The following USP25 variants were observed in gnomAD, a reference collection of about 807,000 sequenced individuals.
The protein encoded by USP25 is ubiquitin carboxyl-terminal hydrolase 25.
Under a neutral mutation model 158.5 loss-of-function variants are expected in USP25, and 85 were observed. The observed-to-expected ratio is 0.54, with a 90% CI of 0.45 to 0.64. The LOEUF is 0.64. Ranked by LOEUF, USP25 falls within the 30% of genes least tolerant of loss-of-function variation. USP25 has a pLI of 0.00. For missense variants in USP25, 1,242 were observed against 1,327.3 expected, an observed-to-expected ratio of 0.94 and a Z score of 1.00; for synonymous variants, 464 against 460.4, an observed-to-expected ratio of 1.01 and a Z score of -0.10.
intron 9 of USP25, among the ~76,000 whole-genome samples, chr21:15,812,886 T>G (rs1170782518): frequency 6.6e-6 from 1 of 152,152 alleles, no homozygotes; most frequent in Non-Finnish European, 1.5e-5. Flanking sequence ...TGATTTTTAG[T>G]TTGTTTGCCA....
At chr21:15,820,107 A>T (rs536493529) in intron 10 of USP25, among the ~76,000 whole-genome samples, 1 of 152,044 alleles carries the variant, frequency 6.6e-6, no homozygotes, top group Non-Finnish European at 1.5e-5. Context: ...TATTTTATTG[A>T]TTGGGAAACA....
intron 20 of USP25, 64 bp from the exon 21 acceptor site, chr21:15,864,204 T>C: frequency 6.9e-7 from 1 of 1,445,540 alleles, no homozygotes. Flanking sequence ...AAACTCATAA[T>C]ATTGAAGGAT....
At chr21:15,853,200 T>C (rs943453525) in intron 20 of USP25, among the ~76,000 whole-genome samples, 1 of 151,532 alleles carries the variant, frequency 6.6e-6, no homozygotes, top group Non-Finnish European at 1.5e-5. Context: ...ATTTTGTAAC[T>C]TATATCACTC....
At chr21:15,823,791 C>T (rs538989263) in intron 10 of USP25, among the ~76,000 whole-genome samples, 13 of 152,218 alleles carry the variant, frequency 8.5e-5, no homozygotes, top group Non-Finnish European at 1.8e-4. Flanking sequence ...GAATTATTTT[C>T]GAAGGATAGT....
chr21:15,761,865 A>G (rs968683681), intron 1 of USP25, among the ~76,000 whole-genome samples: 4 of 152,148 alleles, frequency 2.6e-5, no homozygotes, highest in African/African-American at 4.8e-5. Context: ...CTCCTGCTCT[A>G]AAAACTTGCC....
chr21:15,732,548 T>C (rs2031025868), intron 1 of USP25, among the ~76,000 whole-genome samples: 1 of 152,174 alleles, frequency 6.6e-6, no homozygotes, highest in South Asian at 2.1e-4. Flanking sequence ...TCAGACACTT[T>C]ATGGGTTATC....
At chr21:15,821,341 A>G (rs750663652) in intron 10 of USP25, among the ~76,000 whole-genome samples, 11 of 152,018 alleles carry the variant, frequency 7.2e-5, no homozygotes, top group Non-Finnish European at 1.3e-4. Context: ...TGATTTAATT[A>G]TCCTGTAAGG....
chr21:15,833,368 G>A lies in USP25; in HGVS notation c.2014G>A (p.Gly672Arg), dbSNP rs1210152542. The change falls in exon 17 of 26, where the codon GGG becomes AGG. Residue 672 changes from glycine (G) to arginine (R), a missense_variant. Gly to Arg is a moderately radical substitution (Grantham distance 125). Transcript: ENST00000400183. Reference sequence around the variant, plus strand: ...TGCAGAGGAGTTTAATAAAGAAACTGGGCAGCCCCTTGTTGGTATAGAAAC... The same window carrying A: ...TGCAGAGGAGTTTAATAAAGAAACTAGGCAGCCCCTTGTTGGTATAGAAAC... ...LIQEEFNKETGQPLVGIETLP... is the reference protein window; with the variant it reads ...LIQEEFNKETRQPLVGIETLP... 1 of 1,613,374 alleles carries A rather than the reference G, an allele frequency of 6.2e-7. No homozygotes were observed. The highest frequency in any genetic ancestry group is 1.3e-5 in the African/African-American group (1 of 74,874).
chr21:15,844,831 A>C (rs577297753), intron 18 of USP25, among the ~76,000 whole-genome samples: 6 of 152,080 alleles, frequency 3.9e-5, no homozygotes, highest in Non-Finnish European at 8.8e-5. Flanking sequence ...GTTGCATACA[A>C]AATTTTGTGT....
intron 25 of USP25, 106 bp downstream of exon 25, chr21:15,878,097 G>A (rs926087743): frequency 2.0e-5 from 20 of 1,017,134 alleles, no homozygotes; most frequent in Non-Finnish European, 2.7e-5. Flanking sequence ...ACAATATTAA[G>A]TATTAATATT....
Position 15,878,360 on chromosome 21 carries a change from A to C in USP25, c.3263A>C (p.Glu1088Ala). The change falls in exon 26 of 26, where the codon GAG becomes GCG. Residue 1088 changes from glutamate (E) to alanine (A), a missense_variant. Around this residue, in one of 3 missense-constraint regions of USP25, gnomAD observed 608 missense variants for 605.2 expected, o/e 1.00. Transcript: ENST00000400183. ...CCAAAACTGCTTGATTGTTCTATGG[A>C]GATTAAAAGTTTCCATGAGCCACCG... ...FLPKLLDCSM[E>A]IKSFHEPPKL... is the part of the protein sequence containing the mutation. The C allele has an allele frequency of 3.1e-6, 5 of 1,614,022 alleles. No homozygotes were observed. The highest frequency in any genetic ancestry group is 4.2e-6 in the Non-Finnish European group (5 of 1,179,946).
At position 15,843,902 on chromosome 21, in the gene USP25, T is replaced by G. The variant is rs1174908275; in HGVS notation, c.2337+1362T>G. On this transcript the variant is annotated intron_variant, in intron 18 of 25. Coordinates refer to ENST00000400183, the MANE Select transcript of USP25 (RefSeq NM_001283041.3). This position sits in a 1 kb window ranked among gnomAD's most constrained non-coding sequence, Gnocchi z 4.0. ...GGTATTAGAAAACCAAAAGCATTAC[T>G]TAGCTTAATGTAGAATCCTGATTTT... Among the ~76,000 whole-genome samples the G allele has an allele frequency of 2.0e-5, 3 of 152,204 alleles. 1 individual carries two copies. The highest frequency in any genetic ancestry group is 4.4e-5 in the Non-Finnish European group (3 of 68,014).
intron 1 of USP25, among the ~76,000 whole-genome samples, chr21:15,742,800 G>A (rs1224259758): frequency 3.9e-5 from 6 of 152,212 alleles, no homozygotes; most frequent in African/African-American, 1.2e-4. Context: ...CACTCACTGG[G>A]CTCGCTCTGC....
chr21:15,879,214 A>G lies in USP25; in HGVS notation c.*739A>G, dbSNP rs2040207338. 1 of 152,432 alleles carries G rather than the reference A, an allele frequency of 6.6e-6. No homozygotes were observed. Among genetic ancestry groups the G allele is most frequent in the South Asian group, 2.1e-4 (1 of 4,830 alleles). 9.4% of individuals were successfully genotyped at this position (152,432 alleles called of 1,614,324 possible). ...AAACTTTTATCCTTTTCTTAGATTA[A>G]TCTTACTTTTTAAATGTATTTACAA... On this transcript the variant is annotated 3_prime_UTR_variant, in exon 26 of 26. Transcript: ENST00000400183.
At chr21:15,844,245 T>G (rs961176118) in intron 18 of USP25, among the ~76,000 whole-genome samples, 1 of 152,164 alleles carries the variant, frequency 6.6e-6, no homozygotes, top group African/African-American at 2.4e-5. Flanking sequence ...TAGCGGTTTT[T>G]TTCATTTAAA....
chr21:15,796,168 C>A (rs2035853325), intron 5 of USP25, among the ~76,000 whole-genome samples: 1 of 151,552 alleles, frequency 6.6e-6, no homozygotes, highest in South Asian at 2.1e-4. Context: ...GTTACCCTTT[C>A]TTACCTCTTT....
chr21:15,732,808 T>A (rs1050842998), intron 1 of USP25, among the ~76,000 whole-genome samples: 1 of 152,194 alleles, frequency 6.6e-6, no homozygotes, highest in Non-Finnish European at 1.5e-5. Context: ...GGTTCGCCTA[T>A]AGAATTCATT....
intron 3 of USP25, among the ~76,000 whole-genome samples, chr21:15,771,890 T>C (rs931509650): frequency 6.6e-6 from 1 of 152,174 alleles, no homozygotes; most frequent in African/African-American, 2.4e-5. Flanking sequence ...ACAGTAAATA[T>C]AAACTTGGCT....
At chr21:15,782,080 A>G (rs1031477086) in intron 4 of USP25, among the ~76,000 whole-genome samples, 1 of 152,224 alleles carries the variant, frequency 6.6e-6, no homozygotes, top group African/African-American at 2.4e-5. Flanking sequence ...GCTCAAAGGC[A>G]CAACTGGGGC....
Sources: allele counts gnomAD v4.1 joint callset (sites outside exome capture counted in the v4.1 genomes callset), GRCh38; gene constraint gnomAD v4.1.1; regional missense constraint gnomAD v4.1.1; non-coding constraint Gnocchi (gnomAD v3.1); transcripts MANE v1.5; gene names NCBI Gene and HGNC (gene_info 2026-07-23, HGNC 2026-07-21).